The following EML4 variants were observed in gnomAD, a reference collection of about 807,000 sequenced individuals.
EML4 encodes echinoderm microtubule-associated protein-like 4.
Under a neutral mutation model 129.0 loss-of-function variants are expected in EML4, and 72 were observed. The ratio of observed to expected loss-of-function variants is 0.56; its 90% CI spans 0.46 to 0.68. The LOEUF (loss-of-function observed/expected upper bound fraction) is 0.68, where lower values mean the gene tolerates loss of function less well. EML4 is among the 30% of genes least tolerant of loss of function. EML4 has a pLI of 0.00. For synonymous variants in EML4, 532 were observed against 405.0 expected, an observed-to-expected ratio of 1.31 and a Z score of -3.77; for missense variants, 1,363 against 1,190.6, an observed-to-expected ratio of 1.14 and a Z score of -2.13.
At chr2:42,200,382 A>C (rs1454982052) in intron 1 of EML4, among the ~76,000 whole-genome samples, 2 of 152,156 alleles carry the variant, frequency 1.3e-5, no homozygotes, top group Non-Finnish European at 2.9e-5. Flanking sequence ...AATTTCAACA[A>C]AAATTATGGC....
rs1039549913 is a variant in EML4, at chr2:42,332,052, A to G, written c.*1845A>G. 1 of 222,358 alleles carries G rather than the reference A, an allele frequency of 4.5e-6. No homozygotes were observed. The highest frequency in any genetic ancestry group is 5.7e-5 in the Admixed American group (1 of 17,410). The allele number at this position is 222,358 out of a possible 1,614,324, so 13.8% of individuals were successfully genotyped here. The stretch of plus-strand genomic sequence containing the variant: ...GCGCGCCAGTAAGTATCAGGCATAT[A>G]TATCTGTCTGTTAGCAATGATTATT... On this transcript the variant is annotated 3_prime_UTR_variant, in exon 23 of 23. Coordinates refer to ENST00000318522, the MANE Select transcript of EML4 (RefSeq NM_019063.5).
At chr2:42,217,863 T>A (rs143948813) in intron 1 of EML4, among the ~76,000 whole-genome samples, 1 of 152,238 alleles carries the variant, frequency 6.6e-6, no homozygotes, top group African/African-American at 2.4e-5. Flanking sequence ...TCTAAATATG[T>A]AGAAGACATG....
At chr2:42,262,609 A>G (rs994687317) in intron 4 of EML4, among the ~76,000 whole-genome samples, 2 of 152,216 alleles carry the variant, frequency 1.3e-5, no homozygotes, top group East Asian at 3.8e-4. Flanking sequence ...AATCATTTGT[A>G]AAGAAACAAA....
intron 19 of EML4, among the ~76,000 whole-genome samples, chr2:42,321,602 C>G (rs753677024): frequency 6.6e-6 from 1 of 152,092 alleles, no homozygotes; most frequent in Non-Finnish European, 1.5e-5. Context: ...ACTCCTTCCA[C>G]TAAGTCAGTT....
At chr2:42,269,722 A>G (rs1459480818) in intron 6 of EML4, among the ~76,000 whole-genome samples, 3 of 152,218 alleles carry the variant, frequency 2.0e-5, no homozygotes, top group African/African-American at 7.2e-5. Flanking sequence ...TAAGTATATA[A>G]GCCTCTAGGC....
intron 9 of EML4, among the ~76,000 whole-genome samples, chr2:42,285,091 T>C (rs1012390322): frequency 2.3e-5 from 3 of 128,632 alleles, no homozygotes; most frequent in African/African-American, 9.1e-5. Flanking sequence ...TAATTAATTA[T>C]AGGGGTGGAA....
At chr2:42,306,324 C>G (rs1035066798) in intron 17 of EML4, among the ~76,000 whole-genome samples, 1 of 152,112 alleles carries the variant, frequency 6.6e-6, no homozygotes, top group Non-Finnish European at 1.5e-5. Flanking sequence ...AGGAAACCAT[C>G]TGAGGTGTAG....
At chr2:42,309,803 A>G (rs913396387) in intron 17 of EML4, among the ~76,000 whole-genome samples, 1 of 152,080 alleles carries the variant, frequency 6.6e-6, no homozygotes. Flanking sequence ...ATCTTTTTCA[A>G]ATATTTTCCT....
At chr2:42,214,128 C>T (rs535169194) in intron 1 of EML4, among the ~76,000 whole-genome samples, 1 of 152,244 alleles carries the variant, frequency 6.6e-6, no homozygotes, top group South Asian at 2.1e-4. Flanking sequence ...TAAATTCAGT[C>T]ATTTCTCTGT....
rs1248241233 is a variant in EML4, at chr2:42,169,553, G to C, written c.-59G>C. ...CAGGCTCAGCGTCGGCCACTCTGTCGGTCCGCTGAATGAAGTGCCCGCCCC... is the reference window on the plus strand; with the variant it reads ...CAGGCTCAGCGTCGGCCACTCTGTCCGTCCGCTGAATGAAGTGCCCGCCCC... On this transcript the variant is annotated 5_prime_UTR_variant, in exon 1 of 23. Transcript: ENST00000318522. The C allele has an allele frequency of 2.5e-6, 4 of 1,574,602 alleles. No homozygotes were observed. Among genetic ancestry groups the C allele is most frequent in the Non-Finnish European group, 3.4e-6 (4 of 1,164,598 alleles).
chr2:42,286,231 C>T, intron 9 of EML4, 38 bp from the exon 10 acceptor site: 1 of 1,164,314 alleles, frequency 8.6e-7, no homozygotes, highest in South Asian at 1.2e-5. Flanking sequence ...TATTTGCATC[C>T]ACCTGTCCAG....
intron 1 of EML4, among the ~76,000 whole-genome samples, chr2:42,172,823 A>G (rs1433048233): frequency 2.0e-5 from 3 of 152,266 alleles, no homozygotes; most frequent in South Asian, 2.1e-4. Context: ...CCGATTTTTT[A>G]TAAGGCAGGG....
intron 1 of EML4, among the ~76,000 whole-genome samples, chr2:42,244,094 G>GTTTTTTGTTTTTTGTTTTTT (rs1675219349): frequency 2.2e-5 from 1 of 44,946 alleles, no homozygotes; most frequent in Non-Finnish European, 5.1e-5. Context: ...TTTTGTTTTT[G>GTTTTTTGTTTTTTGTTTTTT]TTTTTTGTTT....
At chr2:42,233,636 G>A (rs1303889917) in intron 1 of EML4, among the ~76,000 whole-genome samples, 1 of 152,050 alleles carries the variant, frequency 6.6e-6, no homozygotes, top group African/African-American at 2.4e-5. Flanking sequence ...TGCTAGTACT[G>A]CAGTTAATAT....
At chr2:42,302,781 G>T (rs149646348) in intron 14 of EML4, among the ~76,000 whole-genome samples, 1 of 152,098 alleles carries the variant, frequency 6.6e-6, no homozygotes, top group Non-Finnish European at 1.5e-5. Flanking sequence ...TGATCCACCC[G>T]CATTGGCCTC....
At chr2:42,235,829 G>C (rs887252301) in intron 1 of EML4, among the ~76,000 whole-genome samples, 2 of 151,506 alleles carry the variant, frequency 1.3e-5, no homozygotes, top group Non-Finnish European at 2.9e-5. Flanking sequence ...AAAACCCCAG[G>C]GTTCTTAGAA....
At chr2:42,215,358 AC>A (rs1359941496) in intron 1 of EML4, among the ~76,000 whole-genome samples, 2 of 152,104 alleles carry the variant, frequency 1.3e-5, no homozygotes. Flanking sequence ...CAGCCATAAA[AC>A]CACTTTTTAA....
At chr2:42,212,377 A>T (rs1672933941) in intron 1 of EML4, among the ~76,000 whole-genome samples, 1 of 152,194 alleles carries the variant, frequency 6.6e-6, no homozygotes, top group African/African-American at 2.4e-5. Flanking sequence ...TAAATATTAT[A>T]CTTCCATATT....
chr2:42,318,586 T>C (rs1432973633), intron 19 of EML4, among the ~76,000 whole-genome samples: 2 of 152,226 alleles, frequency 1.3e-5, no homozygotes, highest in African/African-American at 4.8e-5. Flanking sequence ...ATCTTTTAAT[T>C]TATCAACTTA....
Sources: gnomAD v4.1 joint callset for allele counts (sites outside exome capture counted in the v4.1 genomes callset) on GRCh38, gnomAD v4.1.1 for gene constraint, MANE v1.5 for transcripts, NCBI Gene and HGNC (gene_info 2026-07-23, HGNC 2026-07-21) for gene names.